Variants in HTR4 observed in about 807,000 individuals in gnomAD.
The protein encoded by HTR4 is 5-hydroxytryptamine receptor 4, also known as 5-hydroxytryptamine (serotonin) receptor 4, G protein-coupled.
A neutral mutation model predicts 36.8 loss-of-function variants in HTR4; 16 were observed. The ratio of observed to expected loss-of-function variants is 0.43; its 90% CI spans 0.29 to 0.66. The LOEUF (loss-of-function observed/expected upper bound fraction) is 0.66, where lower values mean the gene tolerates loss of function less well. HTR4 is among the 30% of genes least tolerant of loss of function. The pLI, the probability that HTR4 is intolerant of heterozygous loss-of-function variation, is 0.13. For synonymous variants in HTR4, 189 were observed against 185.1 expected, an observed-to-expected ratio of 1.02 and a Z score of -0.17; for missense variants, 438 against 490.9, an observed-to-expected ratio of 0.89 and a Z score of 1.02.
chr5:148,586,301 T>C (rs1761346578), intron 2 of HTR4, among the ~76,000 whole-genome samples: 2 of 152,028 alleles, frequency 1.3e-5, no homozygotes, highest in Non-Finnish European at 1.5e-5. Context: ...GTCTGATAAA[T>C]ATTTGTGAGC....
In HTR4 at chr5:148,556,715, T is replaced by G. The variant is rs144145962; in HGVS notation, c.27-6453A>C. 8.5e-3 allele frequency among the ~76,000 whole-genome samples: 1,302 copies of G among 152,338 alleles called. 19 individuals are homozygous for G. The highest frequency in any genetic ancestry group is 0.029 in the African/African-American group (1,198 of 41,580). Reference sequence around the variant, plus strand: ...ACGCAGATTCTGATTTTTTTTAGGCTGAGGCAGGGTCTGGGATTCTGCAGT... The same window carrying G: ...ACGCAGATTCTGATTTTTTTTAGGCGGAGGCAGGGTCTGGGATTCTGCAGT... On this transcript the variant is annotated intron_variant, in intron 2 of 6. Coordinates refer to ENST00000377888, the MANE Select transcript of HTR4 (RefSeq NM_000870.7).
At chr5:148,639,317 T>C in intron 1 of HTR4, among the ~76,000 whole-genome samples, 1 of 152,112 alleles carries the variant, frequency 6.6e-6, no homozygotes, top group East Asian at 1.9e-4. Context: ...AGACCTTACA[T>C]GATCTGGCCC....
intron 2 of HTR4, among the ~76,000 whole-genome samples, chr5:148,613,810 G>T (rs1016368231): frequency 6.6e-5 from 10 of 151,530 alleles, no homozygotes; most frequent in African/African-American, 2.4e-4. Context: ...ATCTCCTTAA[G>T]CTGATAAGCA....
chr5:148,606,249 A>G (rs964047349), intron 2 of HTR4, among the ~76,000 whole-genome samples: 1 of 152,110 alleles, frequency 6.6e-6, no homozygotes, highest in African/African-American at 2.4e-5. Context: ...AATGAGCAAA[A>G]TTAGAGCTGA....
intron 4 of HTR4, among the ~76,000 whole-genome samples, chr5:148,547,195 AAGTACCTCCCCC>A (rs1759420192): frequency 6.6e-6 from 1 of 152,190 alleles, no homozygotes; most frequent in South Asian, 2.1e-4. Flanking sequence ...TTCAGTCTCT[AAGTACCTCCCCC>A]AGTGTGATTA....
At chr5:148,584,889 G>C (rs1326129305) in intron 2 of HTR4, among the ~76,000 whole-genome samples, 1 of 152,148 alleles carries the variant, frequency 6.6e-6, no homozygotes, top group Admixed American at 6.5e-5. Flanking sequence ...GCCATACACA[G>C]AGACAACAAA....
At chr5:148,526,688 T>G (rs1758292735) in intron 4 of HTR4, among the ~76,000 whole-genome samples, 2 of 152,134 alleles carry the variant, frequency 1.3e-5, no homozygotes, top group Non-Finnish European at 2.9e-5. Context: ...TGGGATATTA[T>G]TCCATCATAA....
intron 1 of HTR4, 75 bp from the exon 2 acceptor site, chr5:148,637,136 T>C: frequency 3.3e-6 from 3 of 918,512 alleles, no homozygotes; most frequent in Non-Finnish European, 5.2e-6. Flanking sequence ...TTTAAAAAAC[T>C]CAAATAACTA....
At chr5:148,582,915 A>G (rs973348665) in intron 2 of HTR4, among the ~76,000 whole-genome samples, 1 of 152,112 alleles carries the variant, frequency 6.6e-6, no homozygotes, top group African/African-American at 2.4e-5. Context: ...TCCTAATTGA[A>G]TACCCTTTAT....
At chr5:148,503,722 A>G (rs1163930923) in intron 6 of HTR4, among the ~76,000 whole-genome samples, 1 of 152,218 alleles carries the variant, frequency 6.6e-6, no homozygotes, top group Non-Finnish European at 1.5e-5. Context: ...GTCAAGACCC[A>G]TCAGTGTGCG....
chr5:148,517,553 C>T (rs1757813770), intron 5 of HTR4, among the ~76,000 whole-genome samples: 1 of 151,946 alleles, frequency 6.6e-6, no homozygotes, highest in South Asian at 2.1e-4. Context: ...TGGTTACTCA[C>T]TCTAATCTTC....
At chr5:148,585,771 G>C (rs1402322408) in intron 2 of HTR4, among the ~76,000 whole-genome samples, 3 of 152,154 alleles carry the variant, frequency 2.0e-5, no homozygotes, top group African/African-American at 7.2e-5. Flanking sequence ...TATACCGTCA[G>C]AAAGTATTCC....
At chr5:148,474,473 C>T (rs1371704776), downstream of HTR4, among the ~76,000 whole-genome samples, 1 of 152,026 alleles carries the variant, frequency 6.6e-6, no homozygotes, top group Admixed American at 6.6e-5. Context: ...TGACGTAACC[C>T]CCCTAATGAC....
chr5:148,535,793 AAAC>A (rs1250937905), intron 4 of HTR4, among the ~76,000 whole-genome samples: 1 of 152,172 alleles, frequency 6.6e-6, no homozygotes, highest in Non-Finnish European at 1.5e-5. Context: ...GGGAGAAAGC[AAAC>A]AACTTGGAAA....
At chr5:148,465,846 T>A (rs1755412577) in intron 5 of HTR4, 2 of 1,609,514 alleles carry the variant, frequency 1.2e-6, no homozygotes, top group Admixed American at 3.4e-5. Context: ...AGTGACAGAC[T>A]TACAGAGCAC....
chr5:148,574,900 C>G (rs1760832896), intron 2 of HTR4, among the ~76,000 whole-genome samples: 1 of 152,054 alleles, frequency 6.6e-6, no homozygotes, highest in Non-Finnish European at 1.5e-5. Context: ...GCTAAAATGT[C>G]CTTATAGTGG....
At chr5:148,493,987 T>C (rs1581377579) in intron 6 of HTR4, among the ~76,000 whole-genome samples, 1 of 152,332 alleles carries the variant, frequency 6.6e-6, no homozygotes, top group East Asian at 1.9e-4. Context: ...CCTCTGAGGA[T>C]CCAAAGTAAG....
intron 2 of HTR4, among the ~76,000 whole-genome samples, chr5:148,611,121 G>A (rs1331667177): frequency 1.4e-5 from 2 of 146,920 alleles, no homozygotes; most frequent in African/African-American, 5.1e-5. Context: ...TTATCCAGGA[G>A]AATTTCCCCA....
At chr5:148,650,628 T>C (rs1754007733) in intron 1 of HTR4, among the ~76,000 whole-genome samples, 1 of 152,242 alleles carries the variant, frequency 6.6e-6, no homozygotes, top group Admixed American at 6.5e-5. Context: ...AGATTGATGG[T>C]AAGGAGAAGT....
Sources: allele counts gnomAD v4.1 joint callset (sites outside exome capture counted in the v4.1 genomes callset), GRCh38; gene constraint gnomAD v4.1.1; transcripts MANE v1.5; gene names NCBI Gene and HGNC (gene_info 2026-07-23, HGNC 2026-07-21).